CCDC178: variants seen among roughly 807,000 people sequenced by gnomAD.
The protein encoded by CCDC178 is coiled-coil domain containing 178.
In CCDC178, 126 loss-of-function variants were observed where a neutral mutation model predicts 117.4. That is an observed-to-expected ratio of 1.07 (90% CI 0.93 to 1.24). The LOEUF is 1.24. Among genes scored for constraint, CCDC178 ranks in the 50% most tolerant of loss-of-function variants. The pLI is 0.00. For synonymous variants in CCDC178, 283 were observed against 313.4 expected, an observed-to-expected ratio of 0.90 and a Z score of 1.02; for missense variants, 1,030 against 986.9, an observed-to-expected ratio of 1.04 and a Z score of -0.59.
intron 3 of CCDC178, among the ~76,000 whole-genome samples, chr18:33,407,850 AT>A (rs2063801613): frequency 2.0e-5 from 3 of 151,994 alleles, no homozygotes; most frequent in African/African-American, 4.8e-5. Context: ...CAGAAAAAAA[AT>A]AATAAAAATA....
intron 2 of CCDC178, among the ~76,000 whole-genome samples, chr18:33,433,977 A>C (rs1053862032): frequency 5.3e-5 from 8 of 152,142 alleles, no homozygotes. Context: ...CACTATGACT[A>C]AGCAAAGATC....
At chr18:33,156,643 A>AAAAAG in intron 20 of CCDC178, among the ~76,000 whole-genome samples, 1 of 141,456 alleles carries the variant, frequency 7.1e-6, no homozygotes, top group African/African-American at 2.8e-5. Context: ...CTCCCTCTCA[A>AAAAAG]AAAAAAAAAA....
intron 14 of CCDC178, among the ~76,000 whole-genome samples, chr18:33,251,688 C>T (rs1257533174): frequency 2.6e-5 from 4 of 151,644 alleles, no homozygotes; most frequent in Admixed American, 6.6e-5. Flanking sequence ...TACAAGGTCT[C>T]CTCTCTCAAG....
chr18:33,075,533 T>C (rs568962700), intron 21 of CCDC178, among the ~76,000 whole-genome samples: 3 of 152,322 alleles, frequency 2.0e-5, no homozygotes, highest in Admixed American at 6.5e-5. Flanking sequence ...TCTATAAATA[T>C]ATATACCTAC....
intron 9 of CCDC178, among the ~76,000 whole-genome samples, chr18:33,337,682 G>A (rs770632689): frequency 2.8e-4 from 43 of 152,220 alleles, no homozygotes; most frequent in Middle Eastern, 6.8e-3. Context: ...TCAACAAATG[G>A]TGCTAGGATA....
At chr18:33,311,920 G>A (rs925026870) in intron 11 of CCDC178, among the ~76,000 whole-genome samples, 2 of 152,272 alleles carry the variant, frequency 1.3e-5, no homozygotes, top group East Asian at 3.9e-4. Context: ...GAAGACAAAA[G>A]ACAGCACCTT....
intron 9 of CCDC178, among the ~76,000 whole-genome samples, chr18:33,339,217 C>T (rs1197829481): frequency 6.6e-6 from 1 of 151,292 alleles, no homozygotes; most frequent in African/African-American, 2.4e-5. Context: ...TAAATTATTC[C>T]CAAAGCAAAT....
intron 12 of CCDC178, among the ~76,000 whole-genome samples, chr18:33,279,148 A>G (rs1041575058): frequency 3.3e-5 from 5 of 152,168 alleles, no homozygotes; most frequent in African/African-American, 1.2e-4. Context: ...TCAATTAGGA[A>G]AAGAGGAAGT....
intron 21 of CCDC178, among the ~76,000 whole-genome samples, chr18:33,054,754 T>C (rs553870646): frequency 2.0e-5 from 3 of 152,382 alleles, no homozygotes; most frequent in Non-Finnish European, 2.9e-5. Context: ...ATCTTTATAA[T>C]AGAATGATTT....
intron 22 of CCDC178, among the ~76,000 whole-genome samples, chr18:32,941,182 C>G (rs2054231905): frequency 6.6e-6 from 1 of 151,728 alleles, no homozygotes; most frequent in Non-Finnish European, 1.5e-5. Flanking sequence ...ATGTGACATG[C>G]AATTAATGCT....
At chr18:33,305,178 T>C (rs2062231340) in intron 11 of CCDC178, among the ~76,000 whole-genome samples, 1 of 152,202 alleles carries the variant, frequency 6.6e-6, no homozygotes, top group African/African-American at 2.4e-5. Context: ...GAAGCTTTTT[T>C]ACATGCTCAT....
intron 14 of CCDC178, among the ~76,000 whole-genome samples, chr18:33,263,846 A>G (rs547021782): frequency 6.6e-6 from 1 of 152,210 alleles, no homozygotes; most frequent in African/African-American, 2.4e-5. Flanking sequence ...GATTAACTCA[A>G]CTTTATCCTA....
intron 9 of CCDC178, among the ~76,000 whole-genome samples, chr18:33,337,080 G>A (rs537776195): frequency 6.6e-6 from 1 of 150,688 alleles, no homozygotes; most frequent in South Asian, 2.1e-4. Context: ...TCTTTCAGCA[G>A]TGTTATGTAG....
intron 21 of CCDC178, among the ~76,000 whole-genome samples, chr18:33,006,277 T>C (rs1251368912): frequency 6.6e-6 from 1 of 152,082 alleles, no homozygotes; most frequent in African/African-American, 2.4e-5. Context: ...CAATGCATTA[T>C]GTAAGCTAAT....
Position 33,055,174 on chromosome 18 carries a change from T to C in CCDC178, c.2388+37587A>G, listed in dbSNP as rs1034295896. ...TTCATAGACTCTGGATATTAGACCT[T>C]TGTCAGATGAACACACTGAAACAAT... On this transcript the variant is annotated intron_variant, in intron 21 of 22. Coordinates refer to ENST00000383096, the MANE Select transcript of CCDC178 (RefSeq NM_001105528.4). Among the ~76,000 whole-genome samples the C allele has an allele frequency of 4.6e-5, 7 of 152,170 alleles. No homozygotes were observed. In the South Asian group the frequency reaches 1.5e-3, roughly 32 times the overall value.
intron 21 of CCDC178, among the ~76,000 whole-genome samples, chr18:33,085,518 G>A (rs907295957): frequency 3.3e-5 from 5 of 152,094 alleles, no homozygotes; most frequent in African/African-American, 9.7e-5. Context: ...AGCCGAGATC[G>A]CGCCACTGCA....
intron 2 of CCDC178, among the ~76,000 whole-genome samples, chr18:33,421,485 G>A (rs1217988487): frequency 6.6e-6 from 1 of 152,168 alleles, no homozygotes; most frequent in Non-Finnish European, 1.5e-5. Context: ...GGTTTTGTTG[G>A]TAGCTCAAAA....
intron 9 of CCDC178, among the ~76,000 whole-genome samples, chr18:33,337,383 C>G (rs921779999): frequency 1.3e-5 from 2 of 152,054 alleles, no homozygotes; most frequent in Admixed American, 6.6e-5. Context: ...CTTTACCCAT[C>G]TGGATACCCT....
intron 21 of CCDC178, among the ~76,000 whole-genome samples, chr18:33,083,495 T>C (rs1156329770): frequency 1.3e-5 from 2 of 152,232 alleles, no homozygotes; most frequent in African/African-American, 4.8e-5. Context: ...TTGTAAGATA[T>C]TATGCTAATC....
Sources: allele counts gnomAD v4.1 joint callset (sites outside exome capture counted in the v4.1 genomes callset), GRCh38; gene constraint gnomAD v4.1.1; transcripts MANE v1.5; gene names NCBI Gene and HGNC (gene_info 2026-07-23, HGNC 2026-07-21).